Variants in MCAM observed in about 807,000 individuals in gnomAD.
MCAM encodes the protein melanoma cell adhesion molecule.
In MCAM, 55 loss-of-function variants were observed where a neutral mutation model predicts 79.1. That is an observed-to-expected ratio of 0.70 (90% CI 0.56 to 0.87). The LOEUF is 0.87. Among genes scored for constraint, MCAM ranks in the 40% least tolerant of loss-of-function variants. MCAM has a pLI of 0.00. For missense variants in MCAM, 745 were observed against 839.8 expected (o/e 0.89, Z 1.40); for synonymous variants, 330 against 339.8 (o/e 0.97, Z 0.32).
chr11:119,315,004 G>T lies in MCAM; in HGVS notation c.229C>A (p.Arg77Ser), dbSNP rs1441797963. Residue 77 changes from arginine (R) to serine (S), a missense_variant, in exon 3 of 16, where the codon CGC becomes AGC. Arg to Ser is a moderately radical substitution (Grantham distance 110, BLOSUM62 -1). Coordinates refer to ENST00000264036, the MANE Select transcript of MCAM (RefSeq NM_006500.3). This position sits in a 1 kb window ranked among gnomAD's most constrained non-coding sequence, Gnocchi z 4.4. ...GGTTCGCTCTGGCCCTGGCCCTGGC[G>T]CACACGGAAGATGAGCGTCCGCTTC... ...KEKRTLIFRV[R>S]QGQGQSEPGE... 1 of 1,609,266 alleles carries T rather than the reference G, an allele frequency of 6.2e-7. No individual in the cohort carries two copies. The highest frequency in any genetic ancestry group is 8.5e-7 in the Non-Finnish European group (1 of 1,179,978).
chr11:119,315,304 C>A lies in MCAM; in HGVS notation c.68-41G>T, dbSNP rs199747284. The A allele has an allele frequency of 1.9e-6, 3 of 1,581,670 alleles. No homozygotes were observed. Among genetic ancestry groups the A allele is most frequent in the Non-Finnish European group, 2.6e-6 (3 of 1,168,518 alleles). On this transcript the variant is annotated intron_variant, in intron 1 of 15. Transcript: ENST00000264036. This position sits in a 1 kb window ranked among gnomAD's most constrained non-coding sequence, Gnocchi z 4.4. ...GGGGCCCCCGCAGCTGTGTCAGCTC[C>A]GGCTGCTGTCCGCCCCTCCCCTCGC...
rs1950218109 is a variant in MCAM, at chr11:119,310,669, C to G, written c.1793+87G>C. On this transcript the variant is annotated intron_variant, in intron 14 of 15. Transcript: ENST00000264036. ...AGCACCCTGACCCAGGGCCCCACTC[C>G]TGCTGTCAAGGGGCAGGCGGGCGCT... is the stretch of plus-strand genomic sequence containing the variant. The G allele has an allele frequency of 8.9e-6, 13 of 1,464,936 alleles. 1 individual carries two copies. In the South Asian group the frequency reaches 1.2e-4, roughly 14 times the overall value. 90.7% of individuals were successfully genotyped at this position (1,464,936 alleles called of 1,614,324 possible).
intron 15 of MCAM, chr11:119,310,120 C>G (rs764550626): frequency 9.6e-6 from 6 of 626,032 alleles, no homozygotes; most frequent in Non-Finnish European, 1.7e-5. Context: ...CCCAGAGCCA[C>G]GGGCATTGGT....
In MCAM at chr11:119,309,828, G is replaced by C. The variant is rs1950200633; in HGVS notation, c.*58C>G. 1 of 1,526,622 alleles carries C rather than the reference G, an allele frequency of 6.6e-7. No homozygotes were observed. Among genetic ancestry groups the C allele is most frequent in the African/African-American group, 1.4e-5 (1 of 73,230 alleles). The allele number at this position is 1,526,622 out of a possible 1,614,324, so 94.6% of individuals were successfully genotyped here. ...CCTTTGGAGGCTTTGGCTGAGAGAA[G>C]AGTGAGCAGGGAGCTGGGAATGGTC... On this transcript the variant is annotated 3_prime_UTR_variant, in exon 16 of 16. Coordinates refer to ENST00000264036, the MANE Select transcript of MCAM (RefSeq NM_006500.3).
In MCAM at chr11:119,314,899, G is replaced by T. The variant is rs534990019; in HGVS notation, c.334C>A (p.Arg112Ser). ...CGCTTGCCCTGGCACAAGAAGATGC[G>T]CTCGTCTTGGGGGGTGACTTGAGTC... is the stretch of plus-strand genomic sequence containing the variant. ...ALTQVTPQDERIFLCQGKRPR... is the reference protein window; with the variant it reads ...ALTQVTPQDESIFLCQGKRPR... The change falls in exon 3 of 16, where the codon CGC becomes AGC. Residue 112 changes from arginine to serine, a missense_variant. Arg to Ser is a moderately radical substitution (Grantham distance 110, BLOSUM62 -1). Coordinates refer to ENST00000264036, the MANE Select transcript of MCAM (RefSeq NM_006500.3). 1.7e-5 allele frequency: 28 copies of T among 1,613,402 alleles called. 1 individual carries two copies. The South Asian group carries it at 2.1e-4, about 12-fold the overall frequency.
intron 4 of MCAM, 22 bp from the exon 5 acceptor site, chr11:119,314,598 T>C: frequency 6.2e-7 from 1 of 1,610,600 alleles, no homozygotes; most frequent in Non-Finnish European, 8.5e-7. Flanking sequence ...AGGGTGTGAG[T>C]CTCCCTGCCT....
chr11:119,310,173 A>T, intron 15 of MCAM, 176 bp downstream of exon 15: 2 of 641,306 alleles, frequency 3.1e-6, no homozygotes, highest in Non-Finnish European at 5.5e-6. Context: ...GTCTTCCTCC[A>T]AGCTCCCTCA....
Position 119,309,591 on chromosome 11 carries a change from G to A in MCAM, c.*295C>T. On this transcript the variant is annotated 3_prime_UTR_variant, in exon 16 of 16. Transcript: ENST00000264036. ...TATTTACAGCCATAATGTGTGTAAA[G>A]AAAAAACACGTTCTGCAAGAAACTC... 2 of 492,368 alleles carry A rather than the reference G, an allele frequency of 4.1e-6. No homozygotes were observed. The highest frequency in any genetic ancestry group is 3.7e-6 in the Non-Finnish European group (1 of 273,964). 30.5% of individuals were successfully genotyped at this position (492,368 alleles called of 1,614,324 possible).
intron 5 of MCAM, chr11:119,313,154 T>C (rs1312934516): frequency 1.3e-6 from 2 of 1,521,978 alleles, no homozygotes; most frequent in Admixed American, 4.0e-5. Flanking sequence ...TCATGTCTGC[T>C]CATATCCAAG....
rs760545586 is a variant in MCAM at position 119,315,217 on chromosome 11, C to T, written c.114G>A (p.Val38=). The T allele has an allele frequency of 6.2e-7, 1 of 1,612,634 alleles. No individual in the cohort carries two copies. The highest frequency in any genetic ancestry group is 1.1e-5 in the South Asian group (1 of 91,080). ...TCAGAAGGGCTGTGCTGCCCACTTC[C>T]ACCTCCACCAGCTCAGGCGCAGGCT... is the stretch of plus-strand genomic sequence containing the variant. ...AEQPAPELVE[V]EVGSTALLKC... The change falls in exon 2 of 16, where the codon GTG becomes GTA. Residue 38 remains valine, a synonymous_variant. Transcript: ENST00000264036. This position sits in a 1 kb window ranked among gnomAD's most constrained non-coding sequence, Gnocchi z 4.4.
rs534041709 is a variant in MCAM at position 119,312,299 on chromosome 11, G to A, written c.991C>T (p.Leu331=). The change falls in exon 8 of 16, where the codon CTG becomes TTG. Residue 331 remains leucine (L), a synonymous_variant. Transcript: ENST00000264036. The surrounding 1 kb of genome is among the most constrained non-coding windows in gnomAD (Gnocchi z 4.9). ...AGTAGTTCCTGTGGTTCACTCAGCA[G>A]CGATATCATGGTGTCCAAGTCCAGG... ...QGLDLDTMIS[L]LSEPQELLVN... 1.2e-6 allele frequency: 2 copies of A among 1,614,132 alleles called. No individual in the cohort carries two copies. The highest frequency in any genetic ancestry group is 4.5e-5 in the East Asian group (2 of 44,858).
chr11:119,311,631 T>C lies in MCAM; in HGVS notation c.1306A>G (p.Lys436Glu), dbSNP rs1313293357. ...TCTTTCACCCACACCTTCCTCTCCT[T>C]GAATGCCATCCAAGGGGGGCCTTGG... ...AIFGPPWMAF[K>E]ERKVWVKENM... The change falls in exon 11 of 16, where the codon AAG becomes GAG. Residue 436 changes from lysine to glutamate, a missense_variant. Transcript: ENST00000264036. The surrounding 1 kb of genome is among the most constrained non-coding windows in gnomAD (Gnocchi z 4.4). 6.2e-7 allele frequency: 1 copy of C among 1,614,064 alleles called. No individual in the cohort carries two copies. Among genetic ancestry groups the C allele is most frequent in the Non-Finnish European group, 8.5e-7 (1 of 1,179,992 alleles).
chr11:119,313,694 G>C, intron 5 of MCAM: 1 of 219,044 alleles, frequency 4.6e-6, no homozygotes, highest in East Asian at 1.1e-4. Flanking sequence ...AGCCCAGCCA[G>C]CACTACTGAT....
rs755418873 is a variant in MCAM at position 119,314,677 on chromosome 11, ACCT to A, written c.470_471+1del. ...GCCCAGCCCACCTGCCACACATCTC[ACCT>A]CCTCAGGCTCCTTACTGTTCACAGG... On this transcript the variant is annotated splice_donor_variant and coding_sequence_variant, in exon 4 of 16. Transcript: ENST00000264036. LOFTEE classifies it high-confidence loss of function. 1.2e-6 allele frequency: 2 copies of A among 1,613,106 alleles called. No homozygotes were observed. Among genetic ancestry groups the A allele is most frequent in the South Asian group, 2.2e-5 (2 of 91,028 alleles).
rs1355470665 is a variant in MCAM, at chr11:119,312,168, C to T, written c.1027G>A (p.Val343Met). ...GCGGGACTCACTCGGACGTCAGACA[C>T]ATCTGGGGGTACAGCAATCATGTCA... ...SEPQELLVNY[V>M]SDVRVSPAAP... Residue 343 changes from valine to methionine, a missense_variant and splice_region_variant, in exon 9 of 16, where the codon GTG becomes ATG. Physicochemically the swap from Val to Met is conservative, Grantham distance 21 (BLOSUM62 1). Coordinates refer to ENST00000264036, the MANE Select transcript of MCAM (RefSeq NM_006500.3). The surrounding 1 kb of genome is among the most constrained non-coding windows in gnomAD (Gnocchi z 4.9). 6.2e-7 allele frequency: 1 copy of T among 1,612,156 alleles called. No homozygotes were observed. The highest frequency in any genetic ancestry group is 1.3e-5 in the African/African-American group (1 of 74,884).
At position 119,312,688 on chromosome 11, in the gene MCAM, AC is replaced by A. The variant is rs1565281246; in HGVS notation, c.740-41del. 4.3e-6 allele frequency: 7 copies of A among 1,613,812 alleles called. No homozygotes were observed. The highest frequency in any genetic ancestry group is 5.9e-6 in the Non-Finnish European group (7 of 1,179,920). ...GGGGTAGCTCTTGGCCCATGAGTCA[AC>A]CCTGGGCTGGATAAGGGGGAGCCAG... On this transcript the variant is annotated intron_variant, in intron 6 of 15. Transcript: ENST00000264036. This position sits in a 1 kb window ranked among gnomAD's most constrained non-coding sequence, Gnocchi z 4.9.
In MCAM at chr11:119,315,211, C is replaced by T; in HGVS notation, c.120G>A (p.Val40=). The change falls in exon 2 of 16, where the codon GTG becomes GTA. Residue 40 remains valine (V), a synonymous_variant. Coordinates refer to ENST00000264036, the MANE Select transcript of MCAM (RefSeq NM_006500.3). The surrounding 1 kb of genome is among the most constrained non-coding windows in gnomAD (Gnocchi z 4.4). ...QPAPELVEVE[V]GSTALLKCGL... is the part of the protein sequence containing the mutation. ...CGCACTTCAGAAGGGCTGTGCTGCC[C>T]ACTTCCACCTCCACCAGCTCAGGCG... The T allele has an allele frequency of 6.2e-7, 1 of 1,612,904 alleles. No individual in the cohort carries two copies. The highest frequency in any genetic ancestry group is 2.2e-5 in the East Asian group (1 of 44,870).
Position 119,311,859 on chromosome 11 carries a change from GCA to G in MCAM, c.1232_1233del (p.Val411AlafsTer42). On this transcript the variant is annotated frameshift_variant, in exon 10 of 16. Transcript: ENST00000264036. LOFTEE classifies it high-confidence loss of function. This position sits in a 1 kb window ranked among gnomAD's most constrained non-coding sequence, Gnocchi z 4.4. ...AGGGYRCVAS[V>X]PSIPGLNRTQ... Reference sequence around the variant, plus strand: ...GTGCGGTTCAGGCCGGGTATGCTGGGCACAGACGCCACGCAGCGATAGCCGCC... The same window carrying G: ...GTGCGGTTCAGGCCGGGTATGCTGGGCAGACGCCACGCAGCGATAGCCGCC... The G allele has an allele frequency of 6.2e-7, 1 of 1,614,134 alleles. No individual in the cohort carries two copies. Among genetic ancestry groups the G allele is most frequent in the Admixed American group, 1.7e-5 (1 of 60,028 alleles).
Position 119,311,895 on chromosome 11 carries a change from C to T in MCAM, c.1198G>A (p.Glu400Lys), listed in dbSNP as rs774799498. The stretch of plus-strand genomic sequence containing the variant: ...ACGCAGCGATAGCCGCCTCCTGCCT[C>T]CCGTTTCAGGTCATGCAACTGAAGC... ...PVLQLHDLKR[E>K]AGGGYRCVAS... is the part of the protein sequence containing the mutation. Residue 400 changes from glutamate (E) to lysine (K), a missense_variant, in exon 10 of 16, where the codon GAG becomes AAG. Physicochemically the swap from Glu to Lys is moderately conservative, Grantham distance 56 (BLOSUM62 1). Transcript: ENST00000264036. This position sits in a 1 kb window ranked among gnomAD's most constrained non-coding sequence, Gnocchi z 4.4. 20 of 1,614,110 alleles carry T rather than the reference C, an allele frequency of 1.2e-5. No homozygotes were observed. The highest frequency in any genetic ancestry group is 1.7e-5 in the Non-Finnish European group (20 of 1,180,016).
Sources: gnomAD v4.1 joint callset for allele counts on GRCh38, gnomAD v4.1.1 for gene constraint, Gnocchi (gnomAD v3.1) non-coding constraint, MANE v1.5 for transcripts, NCBI Gene and HGNC (gene_info 2026-07-23, HGNC 2026-07-21) for gene names.